The following SNURF variants were observed in gnomAD, a reference collection of about 807,000 sequenced individuals.
SNURF encodes SNURF protein.
A neutral mutation model predicts 11.6 loss-of-function variants in SNURF; 6 were observed. The ratio of observed to expected loss-of-function variants is 0.52; its 90% CI spans 0.28 to 1.02. The LOEUF (loss-of-function observed/expected upper bound fraction) is 1.02. Among genes scored for constraint, SNURF ranks in the 50% least tolerant of loss-of-function variants. The probability of loss-of-function intolerance (pLI) is 0.09; values close to 1 mark genes in which losing one functional copy is unlikely to be tolerated. For missense variants in SNURF, 84 were observed against 88.4 expected, an observed-to-expected ratio of 0.95 and a Z score of 0.20; for synonymous variants, 29 against 31.6, an observed-to-expected ratio of 0.92 and a Z score of 0.27.
chr15:24,958,575 A>G (rs2074261561), intron 1 of SNURF, among the ~76,000 whole-genome samples: 1 of 142,866 alleles, frequency 7.0e-6, no homozygotes, highest in African/African-American at 2.6e-5. Flanking sequence ...TGCTAGACTC[A>G]AGCTATATCC....
In SNURF at chr15:24,967,922, C is replaced by T. The variant is rs745706896; in HGVS notation, c.111-10C>T. On this transcript the variant is annotated splice_polypyrimidine_tract_variant and intron_variant, in intron 2 of 2. Transcript: ENST00000577949. ...TTTTATCATTTATATATATTGTGCT[C>T]TTGTTGTAGGTGTCAGTTGTACCCG... The T allele has an allele frequency of 6.2e-7, 1 of 1,608,240 alleles. No homozygotes were observed. Among genetic ancestry groups the T allele is most frequent in the Admixed American group, 1.7e-5 (1 of 59,794 alleles).
intron 2 of SNURF, 84 bp from the exon 3 acceptor site, chr15:24,967,848 A>G: frequency 1.9e-6 from 2 of 1,060,374 alleles, no homozygotes; most frequent in Non-Finnish European, 1.4e-6. Context: ...TCTTAAATGT[A>G]AGGGTACCTA....
chr15:24,976,468 T>C (rs2077071984), intron 5 of SNURF: 1 of 1,182,624 alleles, frequency 8.5e-7, no homozygotes. Flanking sequence ...GACATCATAT[T>C]ATGTGAGATG....
At chr15:24,962,458 T>G (rs781535614) in intron 2 of SNURF, among the ~76,000 whole-genome samples, 2 of 152,214 alleles carry the variant, frequency 1.3e-5, no homozygotes, top group African/African-American at 4.8e-5. Context: ...TTTATAAAAT[T>G]TTGTAATTAC....
chr15:24,963,249 C>T (rs1035341480), intron 2 of SNURF, among the ~76,000 whole-genome samples: 1 of 152,140 alleles, frequency 6.6e-6, no homozygotes, highest in African/African-American at 2.4e-5. Context: ...TTATTGTAAT[C>T]GTTAGCTTGC....
chr15:24,976,538 G>A (rs1365512590), intron 5 of SNURF: 4 of 752,048 alleles, frequency 5.3e-6, no homozygotes, highest in South Asian at 3.3e-5. Flanking sequence ...AATGTGCCAG[G>A]CACTTAATAT....
chr15:24,959,429 T>C (rs909557064), intron 1 of SNURF, among the ~76,000 whole-genome samples: 4 of 152,298 alleles, frequency 2.6e-5, no homozygotes, highest in Admixed American at 2.6e-4. Context: ...GAGTTCAAGC[T>C]TGGGTATTGA....
chr15:24,978,439 C>G, downstream of SNURF: 1 of 1,613,598 alleles, frequency 6.2e-7, no homozygotes, highest in Non-Finnish European at 8.5e-7. Flanking sequence ...TCCACCAAGA[C>G]CTTAGCATAC....
chr15:24,976,504 A>G (rs983330187), intron 5 of SNURF: 2 of 895,248 alleles, frequency 2.2e-6, no homozygotes, highest in African/African-American at 1.7e-5. Flanking sequence ...GAGCAGACAC[A>G]GTTCAACATG....
At chr15:24,976,540 A>G (rs2077080519) in intron 5 of SNURF, 1 of 741,282 alleles carries the variant, frequency 1.3e-6, no homozygotes, top group South Asian at 1.7e-5. Context: ...TGTGCCAGGC[A>G]CTTAATATCA....
exon 3 of SNURF, chr15:24,968,028 A>G (rs1460921830): frequency 6.2e-7 from 1 of 1,613,960 alleles, no homozygotes; most frequent in African/African-American, 1.3e-5. Flanking sequence ...AGACACCAAG[A>G]GGTGGTTAAA....
intron 1 of SNURF, among the ~76,000 whole-genome samples, chr15:24,955,817 C>T (rs937894187): frequency 1.3e-5 from 2 of 149,928 alleles, no homozygotes; most frequent in East Asian, 2.0e-4. Context: ...TGGACTTTGG[C>T]GGCGGTAGGC....
exon 1 of SNURF, chr15:24,955,019 G>A (rs199920294): frequency 1.4e-5 from 23 of 1,612,164 alleles, no homozygotes; most frequent in Middle Eastern, 2.0e-4. Flanking sequence ...GATGCCTGAC[G>A]CATCTGTCTG....
At chr15:24,955,813 TTGGCGGCGGTAGGCA>T (rs367828191) in intron 1 of SNURF, among the ~76,000 whole-genome samples, 17 of 150,186 alleles carry the variant, frequency 1.1e-4, no homozygotes, top group East Asian at 2.0e-4. Flanking sequence ...GTGGTGGACT[TTGGCGGCGGTAGGCA>T]TGGCGGCGGT....
At position 24,974,326 on chromosome 15, in the gene SNURF, T is replaced by C. The variant is rs1596330224; in HGVS notation, c.*46-1032T>C. On this transcript the variant is annotated intron_variant and NMD_transcript_variant, in intron 3 of 6. Coordinates refer to the SNURF transcript ENST00000580062. ...TCCTCTGCAGGCTCCATCTACTCTT[T>C]GAAGCTTCTGCCCAGCTTGCATTGT... 7.2e-6 allele frequency: 6 copies of C among 836,210 alleles called. No individual in the cohort carries two copies. The East Asian group carries it at 9.8e-5, about 14-fold the overall frequency. The allele number at this position is 836,210 out of a possible 1,614,324, so 51.8% of individuals were successfully genotyped here.
chr15:24,967,477 T>C (rs1341421083), intron 2 of SNURF, among the ~76,000 whole-genome samples: 3 of 151,860 alleles, frequency 2.0e-5, no homozygotes, highest in Non-Finnish European at 4.4e-5. Flanking sequence ...CCATCTCTAC[T>C]AAAAATACAA....
chr15:24,954,992 G>C, exon 1 of SNURF: 2 of 1,609,788 alleles, frequency 1.2e-6, no homozygotes, highest in Non-Finnish European at 1.7e-6. Flanking sequence ...CTGGCGCAGA[G>C]TGGAGCGGCC....
At chr15:24,970,560 C>CA (rs1463353458), downstream of SNURF, among the ~76,000 whole-genome samples, 1 of 152,164 alleles carries the variant, frequency 6.6e-6, no homozygotes, top group African/African-American at 2.4e-5. Context: ...GCCTGCGTGA[C>CA]AGAGCAAGAC....
intron 2 of SNURF, among the ~76,000 whole-genome samples, chr15:24,963,431 A>G (rs529360755): frequency 1.3e-5 from 2 of 152,162 alleles, no homozygotes; most frequent in South Asian, 2.1e-4. Context: ...CCTGGCCAAC[A>G]TGGTGAAACC....
Sources: gnomAD v4.1 joint callset for allele counts (sites outside exome capture counted in the v4.1 genomes callset) on GRCh38, gnomAD v4.1.1 for gene constraint, MANE v1.5 for transcripts, NCBI Gene and HGNC (gene_info 2026-07-23, HGNC 2026-07-21) for gene names.